The following ASB11 variants were observed in gnomAD, a reference collection of about 807,000 sequenced individuals.
The protein encoded by ASB11 is ankyrin repeat and SOCS box containing 11.
Under a neutral mutation model 20.1 loss-of-function variants are expected in ASB11, and 17 were observed. The ratio of observed to expected loss-of-function variants is 0.85; its 90% confidence interval spans 0.58 to 1.27. ASB11 has a LOEUF of 1.27. Among genes scored for constraint, ASB11 ranks in the 50% most tolerant of loss-of-function variants. The pLI, the probability that ASB11 is intolerant of heterozygous loss-of-function variation, is 0.00. For synonymous variants in ASB11, 107 were observed against 105.6 expected, an observed-to-expected ratio of 1.01 and a Z score of -0.08; for missense variants, 259 against 256.9, an observed-to-expected ratio of 1.01 and a Z score of -0.06.
intron 4 of ASB11, among the ~76,000 whole-genome samples, chrX:15,291,158 T>A (rs1220261363): frequency 8.9e-6 from 1 of 111,988 alleles, no homozygotes; most frequent in East Asian, 2.8e-4. Flanking sequence ...AATTTGCTAA[T>A]CATGCTTACA....
chrX:15,283,152 C>G lies in ASB11; in HGVS notation c.*353G>C, dbSNP rs992375175. On this transcript the variant is annotated 3_prime_UTR_variant, in exon 7 of 7. Transcript: ENST00000480796. ...CTAACATTTGTTATAATCTTATCCA[C>G]CTGAATTTATATGTGTCTATACAAT... The G allele has an allele frequency of 8.2e-6, 1 of 122,616 alleles. No individual in the cohort carries two copies. Among genetic ancestry groups the G allele is most frequent in the African/African-American group, 3.2e-5 (1 of 30,968 alleles). 10.1% of individuals were successfully genotyped at this position (122,616 alleles called of 1,213,427 possible).
At chrX:15,315,256 T>G (rs951031143) in intron 1 of ASB11, among the ~76,000 whole-genome samples, 169 bp downstream of exon 1, 1 of 111,952 alleles carries the variant, frequency 8.9e-6, no homozygotes, top group African/African-American at 3.2e-5. Flanking sequence ...CTGAAAATCC[T>G]CCACAAATTG....
rs1013960510 is a variant in ASB11 at position 15,308,204 on chromosome X, C to T, written c.182-5397G>A. Among the ~76,000 whole-genome samples, 6 of 112,195 alleles carry T rather than the reference C, an allele frequency of 5.3e-5. No individual in the cohort carries two copies. In the Admixed American group the frequency reaches 5.6e-4, roughly 11 times the overall value. ...GCCTCACTCCAGGTCTGTGGCATGCCCTTCACACTGGGGCTTACACCCATG... is the reference window on the plus strand; with the variant it reads ...GCCTCACTCCAGGTCTGTGGCATGCTCTTCACACTGGGGCTTACACCCATG... On this transcript the variant is annotated intron_variant, in intron 1 of 6. Transcript: ENST00000480796.
intron 1 of ASB11, chrX:15,314,445 A>C: frequency 8.3e-7 from 1 of 1,203,691 alleles, no homozygotes; most frequent in Non-Finnish European, 1.1e-6. Context: ...TACGTTCTGA[A>C]ACTTCACAAT....
intron 1 of ASB11, among the ~76,000 whole-genome samples, chrX:15,311,831 T>C (rs139489358): frequency 0.017 from 1,909 of 111,061 alleles, 37 homozygotes; most frequent in African/African-American, 0.054. Context: ...TATATTTCCA[T>C]CTAGTGTGAA....
intron 1 of ASB11, among the ~76,000 whole-genome samples, chrX:15,303,432 G>A (rs1921137717): frequency 8.9e-6 from 1 of 112,289 alleles, no homozygotes; most frequent in Non-Finnish European, 1.9e-5. Context: ...CCTGGGCCAC[G>A]AGTTGGACAA....
intron 1 of ASB11, chrX:15,314,318 C>T: frequency 2.8e-6 from 3 of 1,088,145 alleles, no homozygotes; most frequent in Non-Finnish European, 3.6e-6. Context: ...TGAAACTTAT[C>T]AGAAGCATTA....
At chrX:15,315,205 TAAC>T (rs1921573626) in intron 1 of ASB11, among the ~76,000 whole-genome samples, 1 of 111,931 alleles carries the variant, frequency 8.9e-6, no homozygotes, top group South Asian at 3.7e-4. Context: ...ACTTCTTAAA[TAAC>T]AACTGCTACA....
intron 6 of ASB11, among the ~76,000 whole-genome samples, chrX:15,286,961 T>C (rs1927404998): frequency 8.9e-6 from 1 of 111,824 alleles, no homozygotes; most frequent in Non-Finnish European, 1.9e-5. Context: ...GCTCCGAAAA[T>C]ATTTTCTTAC....
chrX:15,312,417 C>CAAAAAAAAA (rs1231680554), intron 1 of ASB11, among the ~76,000 whole-genome samples: 115 of 23,528 alleles, frequency 4.9e-3, no homozygotes, highest in South Asian at 7.6e-3. Context: ...GCCCACTGCA[C>CAAAAAAAAA]AAAAAAAAAA....
intron 2 of ASB11, among the ~76,000 whole-genome samples, chrX:15,299,081 A>G (rs1179799419): frequency 8.9e-6 from 1 of 112,131 alleles, no homozygotes. Flanking sequence ...TGATTTTAAC[A>G]ACTTGGCTCT....
At chrX:15,293,381 A>G in intron 3 of ASB11, 61 bp from the exon 4 acceptor site, 1 of 1,119,725 alleles carries the variant, frequency 8.9e-7, no homozygotes, top group Non-Finnish European at 1.2e-6. Flanking sequence ...ATCTCCAAGT[A>G]TGTCTTCCTA....
intron 1 of ASB11, among the ~76,000 whole-genome samples, chrX:15,307,692 G>A (rs1390127994): frequency 9.0e-6 from 1 of 111,509 alleles, no homozygotes; most frequent in Non-Finnish European, 1.9e-5. Context: ...ACTTGCCTTG[G>A]GTGTTAGGAG....
intron 2 of ASB11, among the ~76,000 whole-genome samples, chrX:15,300,947 C>T (rs1020339454): frequency 4.5e-5 from 5 of 111,216 alleles, no homozygotes; most frequent in African/African-American, 1.6e-4. Flanking sequence ...TCATTGTGCA[C>T]CTTTTTAATT....
intron 2 of ASB11, among the ~76,000 whole-genome samples, chrX:15,298,671 G>A (rs781263178): frequency 5.4e-5 from 6 of 111,899 alleles, no homozygotes; most frequent in African/African-American, 1.9e-4. Context: ...ATGAGTCTAG[G>A]AACAGGCTGG....
At chrX:15,297,332 A>G (rs1920976202) in intron 3 of ASB11, among the ~76,000 whole-genome samples, 1 of 111,939 alleles carries the variant, frequency 8.9e-6, no homozygotes, top group South Asian at 3.7e-4. Flanking sequence ...TGGTACAATA[A>G]AGATTTCTTA....
At chrX:15,290,024 AAAAT>A (rs760537473) in intron 4 of ASB11, 6 of 126,098 alleles carry the variant, frequency 4.8e-5, no homozygotes, top group Non-Finnish European at 6.5e-5. Flanking sequence ...ACTCTGTCTC[AAAAT>A]AAATAAATAA....
rs767456796 is a variant in ASB11 at position 15,293,931 on chromosome X, G to A, written c.370-611C>T. ...GGGATAGCATTAGGATGTAAATGAC[G>A]AGTTAATGGGTGCAGCACACCAACA... is the stretch of plus-strand genomic sequence containing the variant. On this transcript the variant is annotated intron_variant, in intron 3 of 6. Transcript: ENST00000480796. Among the ~76,000 whole-genome samples, 250 of 109,572 alleles carry A rather than the reference G, an allele frequency of 2.3e-3. 2 individuals are homozygous for A. The highest frequency in any genetic ancestry group is 7.8e-3 in the African/African-American group (234 of 30,147).
At position 15,283,120 on chromosome X, in the gene ASB11, G is replaced by A. The variant is rs1304776822; in HGVS notation, c.*385C>T. On this transcript the variant is annotated 3_prime_UTR_variant, in exon 7 of 7. Transcript: ENST00000480796. ...AGGAACTAAATCAAGAACATATCTT[G>A]GAATACCTAACATTTGTTATAATCT... is the stretch of plus-strand genomic sequence containing the variant. 8.8e-6 allele frequency: 1 copy of A among 114,055 alleles called. No homozygotes were observed. Among genetic ancestry groups the A allele is most frequent in the African/African-American group, 3.3e-5 (1 of 30,250 alleles). 9.4% of individuals were successfully genotyped at this position (114,055 alleles called of 1,213,427 possible). A position where few individuals can be genotyped will look rare whatever the true frequency, so the allele number is the denominator to read the frequency against.
Sources: allele counts gnomAD v4.1 joint callset (sites outside exome capture counted in the v4.1 genomes callset), GRCh38; gene constraint gnomAD v4.1.1; transcripts MANE v1.5; gene names NCBI Gene and HGNC (gene_info 2026-07-23, HGNC 2026-07-21).